TNFRSF8: variants seen among roughly 807,000 people sequenced by gnomAD.
The protein encoded by TNFRSF8 is TNF receptor superfamily member 8, also known as tumor necrosis factor receptor superfamily member 8.
TNFRSF8 carries 26 observed loss-of-function variants against 70.8 expected under a neutral mutation model. The observed-to-expected ratio is 0.37, with a 90% CI of 0.27 to 0.51. TNFRSF8 has a LOEUF of 0.51. Among genes scored for constraint, TNFRSF8 ranks in the 20% least tolerant of loss-of-function variants. The pLI is 0.94. For synonymous variants in TNFRSF8, 356 were observed against 339.2 expected (o/e 1.05, Z -0.54); for missense variants, 720 against 807.9 (o/e 0.89, Z 1.32).
intron 1 of TNFRSF8, among the ~76,000 whole-genome samples, chr1:12,079,499 G>A (rs1641025457): frequency 6.6e-6 from 1 of 152,200 alleles, no homozygotes; most frequent in African/African-American, 2.4e-5. Context: ...AGGAGCTGAT[G>A]AGCCAGGCAG....
intron 1 of TNFRSF8, 100 bp from the exon 2 acceptor site, chr1:12,084,364 A>G (rs140205816): frequency 5.7e-6 from 6 of 1,058,324 alleles, no homozygotes; most frequent in African/African-American, 3.1e-5. Flanking sequence ...TCTCTCCTAT[A>G]TTACAAAGCT....
rs372218161 is a variant in TNFRSF8, at chr1:12,070,220, G to C, written c.63+6559G>C. ...GGTCATTGCATTGATCCAGGGGAGG[G>C]GTGAGCAGAGGTGGGAATGTGCTTT... On this transcript the variant is annotated intron_variant, in intron 1 of 14. Coordinates refer to ENST00000263932, the MANE Select transcript of TNFRSF8 (RefSeq NM_001243.5). 7.2e-5 allele frequency among the ~76,000 whole-genome samples: 11 copies of C among 152,076 alleles called. No individual in the cohort carries two copies. The East Asian group carries it at 1.4e-3, about 19-fold the overall frequency.
intron 1 of TNFRSF8, among the ~76,000 whole-genome samples, chr1:12,069,604 T>C (rs1027839803): frequency 1.3e-5 from 2 of 152,216 alleles, no homozygotes; most frequent in African/African-American, 4.8e-5. Flanking sequence ...CCAACATTTA[T>C]TCCTCACGTA....
chr1:12,113,284 T>A lies in TNFRSF8; in HGVS notation c.793+1270T>A, dbSNP rs994694964. ...GGCCTCTTCGTGTCTTACCTGGGGC[T>A]TCCTCATGGTCTGGTGGTTAGGTTC... On this transcript the variant is annotated intron_variant, in intron 7 of 14. Coordinates refer to ENST00000263932, the MANE Select transcript of TNFRSF8 (RefSeq NM_001243.5). This position sits in a 1 kb window ranked among gnomAD's most constrained non-coding sequence, Gnocchi z 4.9. Among the ~76,000 whole-genome samples the A allele has an allele frequency of 6.6e-6, 1 of 152,222 alleles. No homozygotes were observed. The highest frequency in any genetic ancestry group is 2.4e-5 in the African/African-American group (1 of 41,460).
intron 2 of TNFRSF8, among the ~76,000 whole-genome samples, chr1:12,095,689 G>A (rs1297198776): frequency 6.6e-6 from 1 of 152,196 alleles, no homozygotes; most frequent in Non-Finnish European, 1.5e-5. Context: ...TCATGATTCT[G>A]TGCAGTGTCC....
intron 9 of TNFRSF8, 124 bp from the exon 10 acceptor site, chr1:12,123,591 T>G: frequency 1.0e-6 from 1 of 990,550 alleles, no homozygotes; most frequent in East Asian, 2.6e-5. Context: ...TGGCAGAGAC[T>G]CGGGGCAGAG....
At chr1:12,115,978 T>C (rs1336857709) in intron 8 of TNFRSF8, among the ~76,000 whole-genome samples, 1 of 152,190 alleles carries the variant, frequency 6.6e-6, no homozygotes, top group Non-Finnish European at 1.5e-5. Context: ...ATTATTGGGC[T>C]GGTAAAATCT....
intron 4 of TNFRSF8, 112 bp downstream of exon 4, chr1:12,104,643 G>A (rs1641488545): frequency 3.8e-6 from 5 of 1,326,296 alleles, no homozygotes; most frequent in Non-Finnish European, 5.2e-6. Context: ...GGAGACTGTT[G>A]GACAGATCAT....
At chr1:12,120,181 G>A (rs115835481) in intron 8 of TNFRSF8, among the ~76,000 whole-genome samples, 103 of 152,320 alleles carry the variant, frequency 6.8e-4, no homozygotes, top group African/African-American at 2.4e-3. Context: ...ATTTGAAGAT[G>A]TAATTCAGCT....
rs546361004 is a variant in TNFRSF8, at chr1:12,080,410, T to G, written c.64-4054T>G. ...CCTGTTTGCTCTGGTACTTGTTGGCTTTAACATCCACAGTGAATACAAGTG... is the reference window on the plus strand; with the variant it reads ...CCTGTTTGCTCTGGTACTTGTTGGCGTTAACATCCACAGTGAATACAAGTG... On this transcript the variant is annotated intron_variant, in intron 1 of 14. Coordinates refer to ENST00000263932, the MANE Select transcript of TNFRSF8 (RefSeq NM_001243.5). 56 of 526,740 alleles carry G rather than the reference T, an allele frequency of 1.1e-4. No homozygotes were observed. In the East Asian group the frequency reaches 2.8e-3, roughly 27 times the overall value. 32.6% of individuals were successfully genotyped at this position (526,740 alleles called of 1,614,324 possible).
chr1:12,070,141 G>T (rs1640815803), intron 1 of TNFRSF8, among the ~76,000 whole-genome samples: 2 of 93,906 alleles, frequency 2.1e-5, no homozygotes. Flanking sequence ...CCTTCTGTCT[G>T]CTGTGGGGGG....
chr1:12,128,087 A>G (rs1641974357), intron 12 of TNFRSF8, among the ~76,000 whole-genome samples: 1 of 152,168 alleles, frequency 6.6e-6, no homozygotes. Context: ...TTCCCTCCTG[A>G]GCCGTGGGTG....
Position 12,135,617 on chromosome 1 carries a change from A to G in TNFRSF8, c.1335+4A>G. On this transcript the variant is annotated splice_donor_region_variant and intron_variant, in intron 13 of 14. Transcript: ENST00000263932. ...CAGACCCAGGAGGAGCTCAACGGTA[A>G]GTACCCCTCCCTTGCCCCCACCTCA... 6.2e-7 allele frequency: 1 copy of G among 1,614,110 alleles called. No homozygotes were observed. Among genetic ancestry groups the G allele is most frequent in the Non-Finnish European group, 8.5e-7 (1 of 1,179,992 alleles).
At chr1:12,091,026 C>T (rs533996933) in intron 2 of TNFRSF8, among the ~76,000 whole-genome samples, 2 of 152,266 alleles carry the variant, frequency 1.3e-5, no homozygotes, top group East Asian at 1.9e-4. Flanking sequence ...TACACAGAGA[C>T]AAGACTGTGG....
chr1:12,090,909 C>T lies in TNFRSF8; in HGVS notation c.152-6192C>T, dbSNP rs375718842. On this transcript the variant is annotated intron_variant, in intron 2 of 14. Coordinates refer to ENST00000263932, the MANE Select transcript of TNFRSF8 (RefSeq NM_001243.5). ...CAGAATCTCAGAGTGTGACCTTATT[C>T]GGAGATGGGGTCTTTAAAAAGGCAA... 1.9e-4 allele frequency among the ~76,000 whole-genome samples: 29 copies of T among 152,122 alleles called. 2 individuals carry two copies. The South Asian group carries it at 3.3e-3, about 17-fold the overall frequency.
chr1:12,112,030 C>G lies in TNFRSF8; in HGVS notation c.793+16C>G. On this transcript the variant is annotated intron_variant, in intron 7 of 14. Coordinates refer to ENST00000263932, the MANE Select transcript of TNFRSF8 (RefSeq NM_001243.5). This position sits in a 1 kb window ranked among gnomAD's most constrained non-coding sequence, Gnocchi z 5.3. ...TGTTCTCGAGGTAAGGGCCTCGTCC[C>G]TCCCCGGGCCTCAGTTTACCTCTCT... is the stretch of plus-strand genomic sequence containing the variant. 1 of 1,590,240 alleles carries G rather than the reference C, an allele frequency of 6.3e-7. No individual in the cohort carries two copies. Among genetic ancestry groups the G allele is most frequent in the Non-Finnish European group, 8.6e-7 (1 of 1,159,776 alleles).
At chr1:12,092,328 C>T (rs1641259912) in intron 2 of TNFRSF8, among the ~76,000 whole-genome samples, 1 of 151,850 alleles carries the variant, frequency 6.6e-6, no homozygotes, top group Admixed American at 6.6e-5. Context: ...TACAATGTGA[C>T]ATCACACCTG....
At chr1:12,066,420 C>T (rs1291303560) in intron 1 of TNFRSF8, among the ~76,000 whole-genome samples, 1 of 149,966 alleles carries the variant, frequency 6.7e-6, no homozygotes, top group Non-Finnish European at 1.5e-5. Context: ...GTGGCACGAT[C>T]TTGGCTCACT....
At chr1:12,137,262 T>C (rs1642162989) in intron 13 of TNFRSF8, among the ~76,000 whole-genome samples, 1 of 152,164 alleles carries the variant, frequency 6.6e-6, no homozygotes, top group African/African-American at 2.4e-5. Flanking sequence ...AATTTATGGG[T>C]ATAACATATG....
Sources: allele counts gnomAD v4.1 joint callset (sites outside exome capture counted in the v4.1 genomes callset), GRCh38; gene constraint gnomAD v4.1.1; non-coding constraint Gnocchi (gnomAD v3.1); transcripts MANE v1.5; gene names NCBI Gene and HGNC (gene_info 2026-07-23, HGNC 2026-07-21).